EBAG9: variants seen among roughly 807,000 people sequenced by gnomAD.
EBAG9 encodes estrogen receptor binding site associated antigen 9.
EBAG9 carries 16 observed loss-of-function variants against 30.9 expected under a neutral mutation model. That is an observed-to-expected ratio of 0.52 (90% CI 0.35 to 0.79). The LOEUF is 0.79. Among genes scored for constraint, EBAG9 ranks in the 30% least tolerant of loss-of-function variants. The pLI is 0.01. For missense variants in EBAG9, 197 were observed against 242.1 expected (o/e 0.81, Z 1.24); for synonymous variants, 93 against 82.8 (o/e 1.12, Z -0.67).
chr8:109,545,204 C>T (rs976913728), intron 1 of EBAG9, among the ~76,000 whole-genome samples: 3 of 150,646 alleles, frequency 2.0e-5, no homozygotes, highest in Non-Finnish European at 4.4e-5. Flanking sequence ...CACCTGTGGT[C>T]CCAGCTACTC....
At chr8:109,553,812 T>C (rs1821653807) in intron 2 of EBAG9, 53 bp from the exon 3 acceptor site, 1 of 1,438,918 alleles carries the variant, frequency 6.9e-7, no homozygotes, top group Non-Finnish European at 9.6e-7. Flanking sequence ...ATAGTGCTTT[T>C]ACTTTGCTTG....
chr8:109,542,583 C>G (rs1018629393), intron 1 of EBAG9, among the ~76,000 whole-genome samples: 14 of 152,016 alleles, frequency 9.2e-5, no homozygotes, highest in Non-Finnish European at 1.9e-4. Context: ...GCTCTTTTTT[C>G]TTATAATTTT....
intron 4 of EBAG9, among the ~76,000 whole-genome samples, chr8:109,555,732 A>G (rs1821585563): frequency 6.6e-6 from 1 of 152,158 alleles, no homozygotes; most frequent in East Asian, 1.9e-4. Context: ...TCCCTTTTGA[A>G]TTGAATATGG....
At chr8:109,560,967 G>T (rs765611955) in intron 6 of EBAG9, 38 bp downstream of exon 6, 1 of 1,553,154 alleles carries the variant, frequency 6.4e-7, no homozygotes, top group Non-Finnish European at 8.9e-7. Context: ...CTGAGTAGAA[G>T]AACTAGATTT....
chr8:109,551,185 T>G (rs915816528), intron 2 of EBAG9, among the ~76,000 whole-genome samples: 1 of 152,134 alleles, frequency 6.6e-6, no homozygotes, highest in African/African-American at 2.4e-5. Flanking sequence ...CTTTCATTAT[T>G]ATAATCATCA....
intron 1 of EBAG9, among the ~76,000 whole-genome samples, chr8:109,549,174 T>C (rs1821445962): frequency 1.3e-5 from 2 of 151,886 alleles, no homozygotes; most frequent in Non-Finnish European, 2.9e-5. Context: ...TGGTTTTTTG[T>C]TTTTAGTTTG....
chr8:109,563,230 C>T (rs937867776), intron 6 of EBAG9, among the ~76,000 whole-genome samples: 3 of 152,130 alleles, frequency 2.0e-5, no homozygotes, highest in African/African-American at 4.8e-5. Flanking sequence ...ACTGTACATA[C>T]ATTTCACTCA....
rs1477973670 is a variant in EBAG9, at chr8:109,556,957, C to T, written c.344C>T (p.Pro115Leu). The change falls in exon 5 of 7, where the codon CCA (proline) becomes CTA (leucine). Residue 115 changes from proline to leucine, a missense_variant. Transcript: ENST00000337573. ...TQKIVIKKRE[P>L]LNFGIPDGST... The stretch of plus-strand genomic sequence containing the variant: ...CAGATTGTTATTAAGAAGAGAGAAC[C>T]ATTGAATTTTGGCATCCCAGATGGG... 5 of 1,595,038 alleles carry T rather than the reference C, an allele frequency of 3.1e-6. No homozygotes were observed. The highest frequency in any genetic ancestry group is 4.3e-6 in the Non-Finnish European group (5 of 1,169,452).
At chr8:109,561,018 A>G (rs1379747521) in intron 6 of EBAG9, 89 bp downstream of exon 6, 10 of 1,093,682 alleles carry the variant, frequency 9.1e-6, no homozygotes, top group Non-Finnish European at 1.3e-5. Flanking sequence ...CTATTTTGCC[A>G]AATATTATAT....
chr8:109,557,122 G>A (rs1821616646), intron 5 of EBAG9, 80 bp downstream of exon 5: 1 of 805,496 alleles, frequency 1.2e-6, no homozygotes, highest in African/African-American at 1.8e-5. Context: ...ATCTAAATGA[G>A]TTTAACATAG....
chr8:109,561,011 T>A, intron 6 of EBAG9, 82 bp downstream of exon 6: 1 of 1,187,794 alleles, frequency 8.4e-7, no homozygotes, highest in South Asian at 1.5e-5. Context: ...AGGGAGCCTA[T>A]TTTGCCAAAT....
chr8:109,552,718 A>T (rs1394132016), intron 2 of EBAG9, among the ~76,000 whole-genome samples: 1 of 152,190 alleles, frequency 6.6e-6, no homozygotes, highest in Non-Finnish European at 1.5e-5. Flanking sequence ...AATTGATTGT[A>T]TGTTCAGTTT....
At chr8:109,564,199 C>A (rs758457931) in intron 6 of EBAG9, among the ~76,000 whole-genome samples, 9 of 152,012 alleles carry the variant, frequency 5.9e-5, no homozygotes, top group Non-Finnish European at 1.0e-4. Flanking sequence ...GCCTTTATGC[C>A]TCATTTTACT....
At chr8:109,554,400 T>A (rs534560848) in intron 3 of EBAG9, among the ~76,000 whole-genome samples, 2 of 152,232 alleles carry the variant, frequency 1.3e-5, no homozygotes, top group Non-Finnish European at 2.9e-5. Context: ...ATGATCAATC[T>A]GGATAGGCTT....
intron 1 of EBAG9, among the ~76,000 whole-genome samples, chr8:109,547,212 A>G (rs560466518): frequency 6.6e-6 from 1 of 152,234 alleles, no homozygotes; most frequent in African/African-American, 2.4e-5. Flanking sequence ...TAGGAGTAGA[A>G]TGGCTGGGTC....
chr8:109,546,919 A>G (rs1821396551), intron 1 of EBAG9, among the ~76,000 whole-genome samples: 1 of 152,168 alleles, frequency 6.6e-6, no homozygotes, highest in Non-Finnish European at 1.5e-5. Context: ...ATATACTACA[A>G]TTTGTTTGTC....
chr8:109,544,036 A>T (rs1821334632), intron 1 of EBAG9, among the ~76,000 whole-genome samples: 2 of 128,380 alleles, frequency 1.6e-5, no homozygotes, highest in African/African-American at 7.8e-5. Context: ...TCTCAATTAA[A>T]AAAAAAAAAA....
intron 1 of EBAG9, among the ~76,000 whole-genome samples, chr8:109,543,188 C>T (rs1050238491): frequency 8.0e-4 from 69 of 85,864 alleles, no homozygotes; most frequent in African/African-American, 2.4e-3. Context: ...TTCTTTTCAT[C>T]CTGTCAATTA....
At chr8:109,551,030 T>G (rs1394348015) in intron 2 of EBAG9, 123 bp downstream of exon 2, 3 of 618,682 alleles carry the variant, frequency 4.8e-6, no homozygotes, top group Non-Finnish European at 8.5e-6. Flanking sequence ...ATTGCAGTAT[T>G]TATTCATTAA....
Sources: gnomAD v4.1 joint callset for allele counts (sites outside exome capture counted in the v4.1 genomes callset) on GRCh38, gnomAD v4.1.1 for gene constraint, MANE v1.5 for transcripts, NCBI Gene and HGNC (gene_info 2026-07-23, HGNC 2026-07-21) for gene names.